FBXW8: variants seen among roughly 807,000 people sequenced by gnomAD.
FBXW8 encodes the protein F-box/WD repeat-containing protein 8.
A neutral mutation model predicts 65.3 loss-of-function variants in FBXW8; 57 were observed. That is an observed-to-expected ratio of 0.87 (90% CI 0.71 to 1.09). The LOEUF is 1.09. Among genes scored for constraint, FBXW8 ranks in the 50% least tolerant of loss-of-function variants. The pLI is 0.00. For missense variants in FBXW8, 777 were observed against 814.8 expected (o/e 0.95, Z 0.57); for synonymous variants, 308 against 330.2 (o/e 0.93, Z 0.73).
intron 8 of FBXW8, among the ~76,000 whole-genome samples, chr12:117,021,344 A>G (rs929518424): frequency 1.3e-5 from 2 of 152,230 alleles, no homozygotes; most frequent in Admixed American, 6.5e-5. Flanking sequence ...GGCATTTATT[A>G]TAAGACATTA....
intron 8 of FBXW8, among the ~76,000 whole-genome samples, chr12:117,020,585 G>A (rs1195562196): frequency 6.6e-6 from 1 of 152,132 alleles, no homozygotes; most frequent in Non-Finnish European, 1.5e-5. Flanking sequence ...TCTGATTCAC[G>A]CATTCTCTGA....
chr12:116,979,777 CA>C (rs60145855), intron 5 of FBXW8, among the ~76,000 whole-genome samples: 5,382 of 74,470 alleles, frequency 0.072, 172 homozygotes, highest in African/African-American at 0.16. Flanking sequence ...CAGGGAATGG[CA>C]AAAAAAAAAA....
intron 7 of FBXW8, among the ~76,000 whole-genome samples, chr12:116,999,067 A>G (rs4767493): frequency 0.68 from 104,113 of 152,042 alleles, 40,059 homozygotes; most frequent in Non-Finnish European, 0.84. Flanking sequence ...TGAGTTGCAG[A>G]TGAATCCTTC....
At chr12:116,933,386 G>T (rs1372462151) in intron 2 of FBXW8, among the ~76,000 whole-genome samples, 4 of 152,210 alleles carry the variant, frequency 2.6e-5, no homozygotes, top group Non-Finnish European at 4.4e-5. Flanking sequence ...CACATCTGCT[G>T]CTGGTTTTCT....
rs139866372 is a variant in FBXW8 at position 117,004,012 on chromosome 12, T to C, written c.1240-6311T>C. ...TTATCTTACTGGAAATGTATCGCGA[T>C]GCTCTGCGTGGAGCTCAGGGGAGGT... On this transcript the variant is annotated intron_variant, in intron 7 of 10. Coordinates refer to ENST00000652555, the MANE Select transcript of FBXW8 (RefSeq NM_153348.3). 1.3e-3 allele frequency among the ~76,000 whole-genome samples: 192 copies of C among 152,296 alleles called. 1 individual carries two copies. The highest frequency in any genetic ancestry group is 1.9e-3 in the Non-Finnish European group (127 of 68,014).
intron 7 of FBXW8, among the ~76,000 whole-genome samples, chr12:116,992,761 GGTGTGTGTGTGTGT>G (rs59119067): frequency 2.9e-4 from 42 of 143,646 alleles, no homozygotes; most frequent in Middle Eastern, 7.2e-3. Context: ...ATTATTCCAT[GGTGTGTGTGTGTGT>G]GTGTGTGTGT....
In FBXW8 at chr12:116,935,069, T is replaced by C. The variant is rs932410943; in HGVS notation, c.423+6942T>C. On this transcript the variant is annotated intron_variant, in intron 2 of 10. Coordinates refer to ENST00000652555, the MANE Select transcript of FBXW8 (RefSeq NM_153348.3). ...TTTTAGTGCTTTGTATTTCCTAATA[T>C]GTAATTTTAGGAATTTAGCTGCATA... Among the ~76,000 whole-genome samples, 5 of 152,248 alleles carry C rather than the reference T, an allele frequency of 3.3e-5. No homozygotes were observed. In the South Asian group the frequency reaches 1.0e-3, roughly 31 times the overall value.
chr12:116,968,470 A>G (rs1343620617), intron 5 of FBXW8, among the ~76,000 whole-genome samples: 1 of 152,178 alleles, frequency 6.6e-6, no homozygotes, highest in African/African-American at 2.4e-5. Context: ...CTGTGTAGAG[A>G]GAGTACCCCG....
chr12:117,007,830 TGGGA>T (rs1369155858), intron 7 of FBXW8, among the ~76,000 whole-genome samples: 7 of 152,062 alleles, frequency 4.6e-5, no homozygotes, highest in Middle Eastern at 3.4e-3. Flanking sequence ...AGAGAGTGCG[TGGGA>T]GGGAGGGAGA....
At chr12:116,971,241 C>T (rs1884627649) in intron 5 of FBXW8, among the ~76,000 whole-genome samples, 1 of 151,884 alleles carries the variant, frequency 6.6e-6, no homozygotes, top group African/African-American at 2.4e-5. Context: ...CACCTGTGGT[C>T]CCAGCTACTT....
At chr12:116,987,052 C>T (rs989258476) in intron 6 of FBXW8, 11 of 152,236 alleles carry the variant, frequency 7.2e-5, no homozygotes, top group African/African-American at 2.7e-4. Flanking sequence ...ACCCCTGGCC[C>T]GAAGAGCCAA....
At chr12:116,924,181 CCATTTTCATGTTTTTAAGTCAGT>C in intron 1 of FBXW8, among the ~76,000 whole-genome samples, 1 of 43,668 alleles carries the variant, frequency 2.3e-5, no homozygotes. Flanking sequence ...TCAGTGTTGT[CCATTTTCATGTTTTTAAGTCAGT>C]GTAGAGTTGG....
intron 9 of FBXW8, 97 bp downstream of exon 9, chr12:117,024,417 C>T (rs1215252279): frequency 4.2e-6 from 6 of 1,421,748 alleles, no homozygotes; most frequent in Non-Finnish European, 5.8e-6. Flanking sequence ...ATGCCCCCTA[C>T]CCCCCGGCTT....
chr12:117,013,582 C>T (rs1290327123), intron 8 of FBXW8, among the ~76,000 whole-genome samples: 1 of 152,058 alleles, frequency 6.6e-6, no homozygotes, highest in Non-Finnish European at 1.5e-5. Context: ...GTGCCTAGCA[C>T]AGTATATTTT....
At chr12:116,979,510 C>G (rs1226271662) in intron 5 of FBXW8, 1 of 152,248 alleles carries the variant, frequency 6.6e-6, no homozygotes, top group Non-Finnish European at 1.5e-5. Context: ...TGCCCCTTCT[C>G]CTTTATTGGG....
At chr12:117,014,159 C>T (rs879663875) in intron 8 of FBXW8, among the ~76,000 whole-genome samples, 39 of 152,184 alleles carry the variant, frequency 2.6e-4, no homozygotes, top group East Asian at 9.6e-4. Context: ...GCATCATCTC[C>T]GTTGCTCTGA....
At chr12:116,915,260 T>C (rs1377351151) in intron 1 of FBXW8, among the ~76,000 whole-genome samples, 2 of 152,220 alleles carry the variant, frequency 1.3e-5, no homozygotes, top group African/African-American at 4.8e-5. Context: ...GCTCATCAGG[T>C]GTTTTTATGT....
rs576043774 is a variant in FBXW8 at position 117,019,090 on chromosome 12, T to G, written c.1368-5057T>G. ...TTACCTACGCATGCCTAAGGATAGG[T>G]GTCTGTAAACGTGACAGAGAGAGAC... On this transcript the variant is annotated intron_variant, in intron 8 of 10. Transcript: ENST00000652555. Among the ~76,000 whole-genome samples the G allele has an allele frequency of 2.6e-5, 4 of 152,352 alleles. No individual in the cohort carries two copies. The South Asian group carries it at 8.3e-4, about 32-fold the overall frequency.
At chr12:116,943,358 G>A (rs1882730491) in intron 2 of FBXW8, among the ~76,000 whole-genome samples, 1 of 152,152 alleles carries the variant, frequency 6.6e-6, no homozygotes. Flanking sequence ...AGAATTTGCT[G>A]TTATTGCTAT....
Sources: allele counts gnomAD v4.1 joint callset (sites outside exome capture counted in the v4.1 genomes callset), GRCh38; gene constraint gnomAD v4.1.1; transcripts MANE v1.5; gene names NCBI Gene and HGNC (gene_info 2026-07-23, HGNC 2026-07-21).